The following CD99L2 variants were observed in gnomAD, a reference collection of about 807,000 sequenced individuals.
CD99L2 encodes the protein CD99 antigen-like protein 2.
A neutral mutation model predicts 27.3 loss-of-function variants in CD99L2; 24 were observed. That is an observed-to-expected ratio of 0.88 (90% CI 0.64 to 1.24). The LOEUF (loss-of-function observed/expected upper bound fraction) is 1.24. Among genes scored for constraint, CD99L2 ranks in the 50% most tolerant of loss-of-function variants. The pLI is 0.00. For synonymous variants in CD99L2, 97 were observed against 87.9 expected (o/e 1.10, Z -0.58); for missense variants, 255 against 221.6 (o/e 1.15, Z -0.96).
At chrX:150,896,301 G>A (rs1557423085) in intron 1 of CD99L2, among the ~76,000 whole-genome samples, 1 of 111,221 alleles carries the variant, frequency 9.0e-6, no homozygotes, top group East Asian at 2.8e-4. Flanking sequence ...GGGAGCCTGA[G>A]GCAGGAGAAT....
intron 2 of CD99L2, among the ~76,000 whole-genome samples, chrX:150,822,027 G>T (rs185734008): frequency 2.7e-5 from 3 of 111,637 alleles, no homozygotes; most frequent in Non-Finnish European, 5.7e-5. Flanking sequence ...GGTATATATC[G>T]AAAAGAATTT....
intron 1 of CD99L2, among the ~76,000 whole-genome samples, chrX:150,898,159 G>A (rs2047648069): frequency 9.5e-6 from 1 of 105,627 alleles, no homozygotes; most frequent in Non-Finnish European, 1.9e-5. Context: ...CGGTGGCCTC[G>A]CAGCAAATTT....
intron 4 of CD99L2, among the ~76,000 whole-genome samples, chrX:150,804,256 T>C (rs1408927689): frequency 1.8e-5 from 2 of 112,186 alleles, no homozygotes; most frequent in Non-Finnish European, 3.8e-5. Flanking sequence ...GAACAGAGAA[T>C]TGGAAAATTC....
rs1431542412 is a variant in CD99L2, at chrX:150,768,943, G to C, written c.*91C>G. The stretch of plus-strand genomic sequence containing the variant: ...AACAAGGAGCCGATGGCACAGAGCA[G>C]CACAGCAGCTGCGGGTCCAAATGAA... On this transcript the variant is annotated 3_prime_UTR_variant, in exon 11 of 11. Coordinates refer to ENST00000370377, the MANE Select transcript of CD99L2 (RefSeq NM_031462.4). The C allele has an allele frequency of 2.7e-6, 3 of 1,093,367 alleles. No homozygotes were observed. The African/African-American group carries it at 5.8e-5, about 21-fold the overall frequency. 90.1% of individuals were successfully genotyped at this position (1,093,367 alleles called of 1,213,427 possible).
chrX:150,824,477 A>AAAGAAGAAAGAAG (rs1318488316), intron 2 of CD99L2, among the ~76,000 whole-genome samples: 1 of 91,381 alleles, frequency 1.1e-5, no homozygotes, highest in Non-Finnish European at 2.1e-5. Context: ...GAAGAAGAAG[A>AAAGAAGAAAGAAG]AAGAAGAAAG....
chrX:150,776,724 T>A (rs921447999), intron 8 of CD99L2, among the ~76,000 whole-genome samples: 1 of 112,051 alleles, frequency 8.9e-6, no homozygotes, highest in Admixed American at 9.4e-5. Flanking sequence ...CAGCACTATG[T>A]CTCCTTGTAG....
At chrX:150,853,395 C>T (rs1004652057) in intron 1 of CD99L2, among the ~76,000 whole-genome samples, 6 of 111,491 alleles carry the variant, frequency 5.4e-5, no homozygotes, top group African/African-American at 2.0e-4. Context: ...CTCAAACCCC[C>T]CACCCACCCA....
At chrX:150,830,651 A>G (rs782504429) in intron 2 of CD99L2, among the ~76,000 whole-genome samples, 73 of 111,651 alleles carry the variant, frequency 6.5e-4, no homozygotes, top group African/African-American at 2.2e-3. Context: ...TAAGGAAGAC[A>G]GCCCTTGGAG....
rs782790613 is a variant in CD99L2, at chrX:150,885,333, G to A, written c.67+13189C>T. On this transcript the variant is annotated intron_variant, in intron 1 of 10. Coordinates refer to ENST00000370377, the MANE Select transcript of CD99L2 (RefSeq NM_031462.4). ...TGAGGCCAGGAATTCAGACAAGCCT[G>A]GGAAACACAGTGAGACTCCACTTCT... 3.6e-5 allele frequency among the ~76,000 whole-genome samples: 4 copies of A among 111,058 alleles called. No homozygotes were observed. In the South Asian group the frequency reaches 1.5e-3, roughly 42 times the overall value.
Position 150,825,905 on chromosome X carries a change from G to C in CD99L2, c.130+5326C>G, listed in dbSNP as rs186864124. ...AGTAAAAACAGGGTGGGTTCCCCCA[G>C]GTGTGGCTTAATAATGGTAACTGCT... On this transcript the variant is annotated intron_variant, in intron 2 of 10. Coordinates refer to ENST00000370377, the MANE Select transcript of CD99L2 (RefSeq NM_031462.4). Among the ~76,000 whole-genome samples the C allele has an allele frequency of 6.2e-5, 7 of 112,041 alleles. No homozygotes were observed. In the East Asian group the frequency reaches 2.0e-3, roughly 32 times the overall value.
intron 1 of CD99L2, among the ~76,000 whole-genome samples, chrX:150,883,573 G>T (rs1289569095): frequency 9.0e-6 from 1 of 111,315 alleles, no homozygotes. Flanking sequence ...CTTTAAGGTA[G>T]TCCCAGACTA....
intron 1 of CD99L2, among the ~76,000 whole-genome samples, chrX:150,851,370 C>G (rs1201882520): frequency 8.9e-6 from 1 of 112,071 alleles, no homozygotes; most frequent in Non-Finnish European, 1.9e-5. Flanking sequence ...ATCAACACTT[C>G]AGTGGTTTGT....
intron 2 of CD99L2, among the ~76,000 whole-genome samples, chrX:150,824,601 G>GAGGAGAAGAAGA (rs1346052493): frequency 7.6e-5 from 7 of 92,580 alleles, no homozygotes; most frequent in African/African-American, 2.5e-4. Context: ...GAAGAAGAAG[G>GAGGAGAAGAAGA]AGGAGAAGAA....
chrX:150,863,812 A>G (rs1318631435), intron 1 of CD99L2, among the ~76,000 whole-genome samples: 2 of 112,380 alleles, frequency 1.8e-5, no homozygotes, highest in Non-Finnish European at 3.8e-5. Context: ...TCTTATAAGA[A>G]GACACAAACT....
At chrX:150,830,026 G>A (rs1214321233) in intron 2 of CD99L2, among the ~76,000 whole-genome samples, 1 of 109,598 alleles carries the variant, frequency 9.1e-6, no homozygotes, top group Non-Finnish European at 1.9e-5. Context: ...GTGGCGGTAC[G>A]CACCTGTAGT....
intron 1 of CD99L2, among the ~76,000 whole-genome samples, chrX:150,831,564 T>C (rs782052548): frequency 2.7e-5 from 3 of 110,470 alleles, no homozygotes; most frequent in African/African-American, 9.9e-5. Context: ...CATGAACACA[T>C]AGAGGGGAAC....
chrX:150,855,468 G>A (rs1469482694), intron 1 of CD99L2, among the ~76,000 whole-genome samples: 1 of 111,518 alleles, frequency 9.0e-6, no homozygotes, highest in African/African-American at 3.3e-5. Context: ...GGTGGAGCAG[G>A]AGAGAGACTG....
At chrX:150,769,678 TGCGCCACCAGGCCTCGGCTGCTCCCCGAC>T (rs1471309627) in intron 10 of CD99L2, among the ~76,000 whole-genome samples, 1 of 89,106 alleles carries the variant, frequency 1.1e-5, no homozygotes, top group Non-Finnish European at 1.9e-5. Context: ...TCTCCCTGCC[TGCGCCACCAGGCCTCGGCTGCTCCCCGAC>T]CCCAGCAAGC....
intron 7 of CD99L2, among the ~76,000 whole-genome samples, chrX:150,792,097 C>T (rs2045699035): frequency 8.9e-6 from 1 of 111,746 alleles, no homozygotes; most frequent in East Asian, 2.8e-4. Flanking sequence ...AACCATGTTT[C>T]AGTTTCACAC....
Sources: allele counts gnomAD v4.1 joint callset (sites outside exome capture counted in the v4.1 genomes callset), GRCh38; gene constraint gnomAD v4.1.1; transcripts MANE v1.5; gene names NCBI Gene and HGNC (gene_info 2026-07-23, HGNC 2026-07-21).